ACACA: variants seen among roughly 807,000 people sequenced by gnomAD.
The protein encoded by ACACA is acetyl-CoA carboxylase 1.
ACACA carries 103 observed loss-of-function variants against 296.1 expected under a neutral mutation model. The observed-to-expected ratio is 0.35, with a 90% CI of 0.30 to 0.41. The LOEUF (loss-of-function observed/expected upper bound fraction) is 0.41, where lower values mean the gene tolerates loss of function less well. Among genes scored for constraint, ACACA ranks in the 10% least tolerant of loss-of-function variants. ACACA has a pLI of 1.00. For synonymous variants in ACACA, 953 were observed against 1,038.6 expected, an observed-to-expected ratio of 0.92 and a Z score of 1.58; for missense variants, 1,554 against 2,989.7, an observed-to-expected ratio of 0.52 and a Z score of 11.20.
At chr17:37,236,066 T>G (rs2080096907) in intron 24 of ACACA, among the ~76,000 whole-genome samples, 1 of 152,164 alleles carries the variant, frequency 6.6e-6, no homozygotes, top group African/African-American at 2.4e-5. Context: ...CAGTAAAGGA[T>G]TATCACCTCA....
chr17:37,395,933 A>G (rs2051066989), intron 1 of ACACA, among the ~76,000 whole-genome samples: 1 of 152,244 alleles, frequency 6.6e-6, no homozygotes, highest in African/African-American at 2.4e-5. Context: ...CAAAGAAGGT[A>G]CATTCACAAA....
chr17:37,222,381 C>G (rs1259542292), intron 28 of ACACA, among the ~76,000 whole-genome samples: 1 of 152,032 alleles, frequency 6.6e-6, no homozygotes, highest in East Asian at 1.9e-4. Context: ...AGCAGTAAGG[C>G]ATAAGCAGTA....
At chr17:37,127,953 G>A (rs2074883083) in intron 47 of ACACA, among the ~76,000 whole-genome samples, 3 of 147,520 alleles carry the variant, frequency 2.0e-5, no homozygotes, top group Non-Finnish European at 3.0e-5. Flanking sequence ...GGTAAGTGGA[G>A]GCGGAGGTTG....
At chr17:37,386,301 G>C (rs986216141) in intron 1 of ACACA, among the ~76,000 whole-genome samples, 12 of 152,044 alleles carry the variant, frequency 7.9e-5, no homozygotes, top group African/African-American at 2.9e-4. Context: ...TAAAAAATTA[G>C]CTTCTCTAGG....
At chr17:37,281,779 T>C (rs1261451437) in intron 5 of ACACA, among the ~76,000 whole-genome samples, 1 of 152,092 alleles carries the variant, frequency 6.6e-6, no homozygotes, top group African/African-American at 2.4e-5. Flanking sequence ...GACAGAAGAA[T>C]TGCATGAACC....
chr17:37,390,330 A>ATATATCTATATC (rs1386032855), intron 1 of ACACA, among the ~76,000 whole-genome samples: 1 of 41,582 alleles, frequency 2.4e-5, no homozygotes, highest in Non-Finnish European at 3.7e-5. Flanking sequence ...ATATATATAT[A>ATATATCTATATC]TATAAAAGGC....
chr17:37,299,468 C>A, intron 3 of ACACA: 1 of 1,559,662 alleles, frequency 6.4e-7, no homozygotes, highest in South Asian at 1.2e-5. Context: ...TGGCTTCAGT[C>A]AGACTAGAAT....
intron 54 of ACACA, among the ~76,000 whole-genome samples, chr17:37,089,296 T>C (rs2072447809): frequency 6.6e-6 from 1 of 152,188 alleles, no homozygotes; most frequent in Non-Finnish European, 1.5e-5. Context: ...ACCTGAAGTC[T>C]CCATGGGGCT....
intron 43 of ACACA, among the ~76,000 whole-genome samples, chr17:37,152,785 C>A (rs1465087466): frequency 6.6e-6 from 1 of 152,158 alleles, no homozygotes; most frequent in African/African-American, 2.4e-5. Context: ...GCAGTGGGCA[C>A]AGTTTTATAA....
Position 37,099,544 on chromosome 17 carries a change from C to T in ACACA, c.6566-1560G>A, listed in dbSNP as rs374524315. Reference sequence around the variant, plus strand: ...GGGCTGATGGGAGGAGGGCTGATGGCGGGAGGGCTGATGGCAGGAGGGCTG... The same window carrying T: ...GGGCTGATGGGAGGAGGGCTGATGGTGGGAGGGCTGATGGCAGGAGGGCTG... On this transcript the variant is annotated intron_variant, in intron 52 of 55. Coordinates refer to ENST00000616317, the MANE Select transcript of ACACA (RefSeq NM_198834.3). 1.1e-3 allele frequency among the ~76,000 whole-genome samples: 90 copies of T among 83,814 alleles called. 5 individuals carry two copies. The highest frequency in any genetic ancestry group is 6.9e-3 in the Middle Eastern group (1 of 144). The allele number at this position is 83,814 out of a possible 152,430, so 55.0% of individuals were successfully genotyped here. A position where few individuals can be genotyped will look rare whatever the true frequency, so the allele number is the denominator to read the frequency against.
intron 1 of ACACA, among the ~76,000 whole-genome samples, chr17:37,376,949 G>A (rs1206713343): frequency 1.3e-5 from 2 of 151,956 alleles, no homozygotes; most frequent in African/African-American, 4.8e-5. Context: ...ATGAGACTCT[G>A]TCTCAAAAAA....
At chr17:37,399,337 A>AAATTC (rs1204205965) in intron 1 of ACACA, among the ~76,000 whole-genome samples, 31 of 152,238 alleles carry the variant, frequency 2.0e-4, no homozygotes, top group Non-Finnish European at 3.7e-4. Context: ...GGAAAGTTTC[A>AAATTC]AAGTCCATGC....
chr17:37,223,389 C>T, intron 28 of ACACA, 123 bp downstream of exon 28: 1 of 793,934 alleles, frequency 1.3e-6, no homozygotes, highest in African/African-American at 1.7e-5. Context: ...GGAAAAGAGA[C>T]TAACTACCCT....
At chr17:37,249,651 T>C (rs533938243) in intron 16 of ACACA, among the ~76,000 whole-genome samples, 1 of 152,292 alleles carries the variant, frequency 6.6e-6, no homozygotes, top group African/African-American at 2.4e-5. Flanking sequence ...ATACAGACAT[T>C]AAAAAGATGT....
intron 1 of ACACA, among the ~76,000 whole-genome samples, chr17:37,400,714 T>C (rs2051252261): frequency 6.6e-6 from 1 of 151,796 alleles, no homozygotes; most frequent in South Asian, 2.1e-4. Flanking sequence ...TTTTTAAGGC[T>C]GAACAGTATT....
At chr17:37,279,146 G>C (rs959803946) in intron 5 of ACACA, among the ~76,000 whole-genome samples, 3 of 152,056 alleles carry the variant, frequency 2.0e-5, no homozygotes, top group Admixed American at 1.3e-4. Flanking sequence ...ATGCCAGTCA[G>C]AATGGTGATT....
At chr17:37,222,540 C>T (rs969951920) in intron 28 of ACACA, among the ~76,000 whole-genome samples, 5 of 152,194 alleles carry the variant, frequency 3.3e-5, no homozygotes, top group African/African-American at 9.6e-5. Flanking sequence ...TCCAACCTCA[C>T]ACATTTCACA....
At chr17:37,306,452 AAATT>A in intron 3 of ACACA, among the ~76,000 whole-genome samples, 1 of 152,114 alleles carries the variant, frequency 6.6e-6, no homozygotes, top group East Asian at 1.9e-4. Flanking sequence ...TATATATGCA[AAATT>A]AATATATATA....
chr17:37,245,722 C>A (rs971742581), intron 19 of ACACA, among the ~76,000 whole-genome samples: 2 of 152,152 alleles, frequency 1.3e-5, no homozygotes, highest in African/African-American at 4.8e-5. Context: ...CCTAAGAGAT[C>A]TCCCTACTTG....
Sources: gnomAD v4.1 joint callset for allele counts (sites outside exome capture counted in the v4.1 genomes callset) on GRCh38, gnomAD v4.1.1 for gene constraint, MANE v1.5 for transcripts, NCBI Gene and HGNC (gene_info 2026-07-23, HGNC 2026-07-21) for gene names.